PTPRQ: variants seen among roughly 807,000 people sequenced by gnomAD.
PTPRQ encodes the protein protein tyrosine phosphatase receptor type Q.
Under a neutral mutation model 246.0 loss-of-function variants are expected in PTPRQ, and 199 were observed. The observed-to-expected ratio is 0.81, with a 90% confidence interval of 0.72 to 0.91. PTPRQ has a LOEUF of 0.91. Ranked by LOEUF, PTPRQ falls within the 40% of genes least tolerant of loss-of-function variation. PTPRQ has a pLI of 0.00. For missense variants in PTPRQ, 2,624 were observed against 2,528.4 expected, an observed-to-expected ratio of 1.04 and a Z score of -0.81; for synonymous variants, 869 against 853.2, an observed-to-expected ratio of 1.02 and a Z score of -0.32.
At chr12:80,597,580 CAGA>C (rs1725470222) in intron 26 of PTPRQ, among the ~76,000 whole-genome samples, 4 of 152,030 alleles carry the variant, frequency 2.6e-5, no homozygotes. Context: ...CTAGTCTTCA[CAGA>C]AGGAGTAATT....
intron 33 of PTPRQ, among the ~76,000 whole-genome samples, chr12:80,631,017 T>A (rs989046160): frequency 6.6e-6 from 1 of 152,156 alleles, no homozygotes; most frequent in African/African-American, 2.4e-5. Flanking sequence ...CCCAGCCCTG[T>A]TTATTAATTT....
In PTPRQ at chr12:80,610,449, A is replaced by G; in HGVS notation, c.4742A>G (p.Asp1581Gly). 1 of 1,486,718 alleles carries G rather than the reference A, an allele frequency of 6.7e-7. No homozygotes were observed. Among genetic ancestry groups the G allele is most frequent in the Admixed American group, 2.4e-5 (1 of 42,204 alleles). 92.1% of individuals were successfully genotyped at this position (1,486,718 alleles called of 1,614,324 possible). Residue 1581 changes from aspartate (D) to glycine (G), a missense_variant, in exon 28 of 45, where the codon GAT becomes GGT. Coordinates refer to ENST00000644991, the MANE Select transcript of PTPRQ (RefSeq NM_001145026.2). ...TATATTTTCCTATAGGTAGATAATGATGAATTTAATATATCCTTCATCAAG... is the reference window on the plus strand; with the variant it reads ...TATATTTTCCTATAGGTAGATAATGGTGAATTTAATATATCCTTCATCAAG... ...YLIDVKSVDNDEFNISFIKSN... is the reference protein window; with the variant it reads ...YLIDVKSVDNGEFNISFIKSN...
At chr12:80,609,671 C>T (rs1174782306) in intron 27 of PTPRQ, among the ~76,000 whole-genome samples, 1 of 150,466 alleles carries the variant, frequency 6.6e-6, no homozygotes, top group African/African-American at 2.4e-5. Flanking sequence ...TTATGACATC[C>T]ACAATTAATT....
At chr12:80,506,848 A>G (rs1047228760) in intron 16 of PTPRQ, among the ~76,000 whole-genome samples, 178 bp downstream of exon 16, 8 of 152,012 alleles carry the variant, frequency 5.3e-5, no homozygotes, top group Non-Finnish European at 8.8e-5. Context: ...TCAGATTTAC[A>G]TTCAGTGAAA....
At chr12:80,491,506 C>G (rs1201990738) in intron 9 of PTPRQ, among the ~76,000 whole-genome samples, 1 of 151,884 alleles carries the variant, frequency 6.6e-6, no homozygotes, top group Non-Finnish European at 1.5e-5. Flanking sequence ...TATAGAGTTC[C>G]CTATCCATAG....
At chr12:80,622,037 G>A in intron 32 of PTPRQ, 24 bp from the exon 33 acceptor site, 1 of 1,310,658 alleles carries the variant, frequency 7.6e-7, no homozygotes. Context: ...GCAAAGTGTT[G>A]ATTTTTCTTT....
intron 38 of PTPRQ, among the ~76,000 whole-genome samples, chr12:80,657,367 C>G (rs904019717): frequency 5.3e-5 from 8 of 151,514 alleles, no homozygotes; most frequent in African/African-American, 1.9e-4. Flanking sequence ...TAAGAGAAAA[C>G]AGAATTTTTC....
chr12:80,610,763 C>T, intron 28 of PTPRQ, 138 bp downstream of exon 28: 2 of 990,476 alleles, frequency 2.0e-6, no homozygotes, highest in Middle Eastern at 3.0e-4. Context: ...TAGTGACTCT[C>T]TGCAACTGAC....
intron 9 of PTPRQ, among the ~76,000 whole-genome samples, chr12:80,490,081 A>AT (rs1374007461): frequency 2.0e-5 from 3 of 151,948 alleles, no homozygotes; most frequent in African/African-American, 7.2e-5. Context: ...AGATAGGTTT[A>AT]TTTTATTCAG....
chr12:80,457,385 T>C (rs952172046), intron 3 of PTPRQ, among the ~76,000 whole-genome samples, 190 bp from the exon 4 acceptor site: 1 of 152,162 alleles, frequency 6.6e-6, no homozygotes, highest in Non-Finnish European at 1.5e-5. Context: ...TTCTCATCTA[T>C]ACAATTTTGA....
intron 26 of PTPRQ, among the ~76,000 whole-genome samples, chr12:80,599,042 G>A (rs1241331018): frequency 6.6e-6 from 1 of 151,784 alleles, no homozygotes. Flanking sequence ...GCATGGATGG[G>A]GGCATTCAAA....
At chr12:80,644,003 C>T (rs1185084324) in intron 35 of PTPRQ, among the ~76,000 whole-genome samples, 1 of 152,194 alleles carries the variant, frequency 6.6e-6, no homozygotes, top group Non-Finnish European at 1.5e-5. Context: ...TCCCATACCA[C>T]TGGTAATGCT....
chr12:80,481,240 A>C (rs976770139), intron 8 of PTPRQ, among the ~76,000 whole-genome samples: 1 of 152,212 alleles, frequency 6.6e-6, no homozygotes, highest in Non-Finnish European at 1.5e-5. Flanking sequence ...CAATAAACAT[A>C]ATCCAGCATA....
chr12:80,664,437 C>A (rs894678503), intron 39 of PTPRQ, among the ~76,000 whole-genome samples: 10 of 151,936 alleles, frequency 6.6e-5, no homozygotes, highest in Non-Finnish European at 1.5e-4. Flanking sequence ...AACAGCCAAC[C>A]CTCTCACTTG....
At chr12:80,503,357 C>G (rs1490368281) in intron 14 of PTPRQ, among the ~76,000 whole-genome samples, 12 of 151,732 alleles carry the variant, frequency 7.9e-5, no homozygotes, top group Non-Finnish European at 1.6e-4. Context: ...CTAAATCGAA[C>G]TATGCATTGA....
chr12:80,510,140 C>T (rs2120713408), intron 16 of PTPRQ, among the ~76,000 whole-genome samples, 183 bp from the exon 17 acceptor site: 1 of 152,180 alleles, frequency 6.6e-6, no homozygotes, highest in South Asian at 2.1e-4. Context: ...TCTAATACCA[C>T]CATGCAAAAT....
intron 6 of PTPRQ, chr12:80,461,836 T>A (rs1360674049): frequency 6.6e-6 from 1 of 151,698 alleles, no homozygotes; most frequent in Non-Finnish European, 1.5e-5. Context: ...CATTTTCTTC[T>A]TACATACTCC....
rs563487037 is a variant in PTPRQ at position 80,488,582 on chromosome 12, G to C, written c.1359+3977G>C. Among the ~76,000 whole-genome samples the C allele has an allele frequency of 2.0e-5, 3 of 152,120 alleles. No individual in the cohort carries two copies. The South Asian group carries it at 6.2e-4, about 32-fold the overall frequency. Reference sequence around the variant, plus strand: ...GTAAACACCATAAGAACTGAAAACAGGAGTGGTTTAAAGTGTTGCTTCTGG... The same window carrying C: ...GTAAACACCATAAGAACTGAAAACACGAGTGGTTTAAAGTGTTGCTTCTGG... On this transcript the variant is annotated intron_variant, in intron 9 of 44. Coordinates refer to ENST00000644991, the MANE Select transcript of PTPRQ (RefSeq NM_001145026.2).
At chr12:80,483,871 G>T (rs1479604041) in intron 8 of PTPRQ, among the ~76,000 whole-genome samples, 1 of 152,086 alleles carries the variant, frequency 6.6e-6, no homozygotes, top group Non-Finnish European at 1.5e-5. Flanking sequence ...TGCTGAGAAT[G>T]ATGGTTTCCA....
Sources: allele counts gnomAD v4.1 joint callset (sites outside exome capture counted in the v4.1 genomes callset), GRCh38; gene constraint gnomAD v4.1.1; transcripts MANE v1.5; gene names NCBI Gene and HGNC (gene_info 2026-07-23, HGNC 2026-07-21).